The following FBRS variants were observed in gnomAD, a reference collection of about 807,000 sequenced individuals.
FBRS encodes probable fibrosin-1.
Under a neutral mutation model 86.1 loss-of-function variants are expected in FBRS, and 15 were observed. The observed-to-expected ratio is 0.17, with a 90% CI of 0.12 to 0.27. FBRS has a LOEUF of 0.27. Ranked by LOEUF, FBRS falls within the 10% of genes least tolerant of loss-of-function variation. The pLI is 1.00. For missense variants in FBRS, 1,367 were observed against 1,301.6 expected (o/e 1.05, Z -0.77); for synonymous variants, 666 against 575.8 (o/e 1.16, Z -2.24).
Position 30,664,936 on chromosome 16 carries a change from G to A in FBRS, c.1563+16G>A. ...CCCCCACATGGTGAGCTCCTCATTG[G>A]GCTGGCGATGAGGCTCGGAGGCCTC... On this transcript the variant is annotated intron_variant, in intron 8 of 17. Transcript: ENST00000356166. 1 of 1,609,890 alleles carries A rather than the reference G, an allele frequency of 6.2e-7. No homozygotes were observed. Among genetic ancestry groups the A allele is most frequent in the Non-Finnish European group, 8.5e-7 (1 of 1,177,860 alleles).
At chr16:30,667,071 C>G in intron 13 of FBRS, 81 bp downstream of exon 13, 1 of 1,384,528 alleles carries the variant, frequency 7.2e-7, no homozygotes, top group Admixed American at 2.0e-5. Context: ...CTCAACAGAG[C>G]TCAGCAGAAT....
rs890474961 is a variant in FBRS at position 30,665,784 on chromosome 16, A to G, written c.1773+78A>G. 1.5e-6 allele frequency: 2 copies of G among 1,358,518 alleles called. No individual in the cohort carries two copies. Among genetic ancestry groups the G allele is most frequent in the Non-Finnish European group, 2.0e-6 (2 of 978,060 alleles). 84.2% of individuals were successfully genotyped at this position (1,358,518 alleles called of 1,614,324 possible). On this transcript the variant is annotated intron_variant, in intron 11 of 17. Coordinates refer to ENST00000356166, the MANE Select transcript of FBRS (RefSeq NM_001105079.3). This position sits in a 1 kb window ranked among gnomAD's most constrained non-coding sequence, Gnocchi z 4.1. ...AACAGAACTGACTTGAGGAGAGTGAACTGCTGATTCCTCCCTTGAATTCAC... is the reference window on the plus strand; with the variant it reads ...AACAGAACTGACTTGAGGAGAGTGAGCTGCTGATTCCTCCCTTGAATTCAC...
rs768411512 is a variant in FBRS, at chr16:30,666,506, C to T, written c.1774-6C>T. 5.6e-6 allele frequency: 9 copies of T among 1,614,014 alleles called. No homozygotes were observed. Among genetic ancestry groups the T allele is most frequent in the Middle Eastern group, 1.6e-4 (1 of 6,062 alleles). ...TCGCCTCCCATCTCTCCTTTGCCATCCCCAGATCCCCGACCATTTCCGGCC... is the reference window on the plus strand; with the variant it reads ...TCGCCTCCCATCTCTCCTTTGCCATTCCCAGATCCCCGACCATTTCCGGCC... On this transcript the variant is annotated splice_polypyrimidine_tract_variant and splice_region_variant and intron_variant, in intron 11 of 17. Coordinates refer to ENST00000356166, the MANE Select transcript of FBRS (RefSeq NM_001105079.3).
chr16:30,667,329 C>T lies in FBRS; in HGVS notation c.1885C>T (p.His629Tyr). 5.2e-6 allele frequency: 8 copies of T among 1,552,632 alleles called. No individual in the cohort carries two copies. The highest frequency in any genetic ancestry group is 7.0e-6 in the Non-Finnish European group (8 of 1,147,546). ...RHQEKMKGDS[H>Y]KLDFRNDLLP... is the part of the protein sequence containing the mutation. The stretch of plus-strand genomic sequence containing the variant: ...CCTGTGTCCCACACAGGGTGACTCC[C>T]ACAAGCTTGACTTTCGGAATGACCT... Residue 629 changes from histidine to tyrosine, a missense_variant, in exon 14 of 18, where the codon CAC becomes TAC. By Grantham distance (83) the His-to-Tyr change is moderately conservative. Around this residue, in one of 3 missense-constraint regions of FBRS, gnomAD observed 659 missense variants for 678.8 expected, o/e 0.97. Transcript: ENST00000356166.
At chr16:30,660,506 C>T (rs1016412993) in intron 2 of FBRS, 64 bp downstream of exon 2, 23 of 1,256,238 alleles carry the variant, frequency 1.8e-5, no homozygotes, top group Non-Finnish European at 2.2e-5. Flanking sequence ...TTTTCATCAG[C>T]AACGCCACTG....
chr16:30,661,979 C>T (rs900414617), intron 4 of FBRS: 5 of 197,926 alleles, frequency 2.5e-5, no homozygotes, highest in Non-Finnish European at 5.2e-5. Context: ...ATTGTTGCTA[C>T]GAGAACAGGG....
rs1219177926 is a variant in FBRS, at chr16:30,669,588, C to T, written c.2886C>T (p.Pro962=). ...ALLGAPPPLV[P]APRPSSPPRG... Reference sequence around the variant, plus strand: ...TGGGGGCACCACCTCCGCTTGTGCCCGCCCCCCGGCCCAGTTCCCCACCTA... The same window carrying T: ...TGGGGGCACCACCTCCGCTTGTGCCTGCCCCCCGGCCCAGTTCCCCACCTA... The change falls in exon 18 of 18, where the codon CCC becomes CCT. Residue 962 remains proline (P), a synonymous_variant. Coordinates refer to ENST00000356166, the MANE Select transcript of FBRS (RefSeq NM_001105079.3). This position sits in a 1 kb window ranked among gnomAD's most constrained non-coding sequence, Gnocchi z 5.9. The T allele has an allele frequency of 1.1e-5, 17 of 1,611,326 alleles. No individual in the cohort carries two copies. The South Asian group carries it at 1.2e-4, about 11-fold the overall frequency.
At chr16:30,662,194 A>G (rs1235719543) in intron 4 of FBRS, 4 of 642,176 alleles carry the variant, frequency 6.2e-6, no homozygotes, top group East Asian at 6.0e-5. Flanking sequence ...CGCTGCCTCC[A>G]TTTAGTCCTC....
chr16:30,667,340 C>T lies in FBRS; in HGVS notation c.1896C>T (p.Asp632=), dbSNP rs2052535163. Residue 632 remains aspartate (D), a synonymous_variant, in exon 14 of 18, where the codon GAC becomes GAT. Coordinates refer to ENST00000356166, the MANE Select transcript of FBRS (RefSeq NM_001105079.3). The part of the protein sequence containing the change: ...EKMKGDSHKL[D]FRNDLLPCLP... Reference sequence around the variant, plus strand: ...CACAGGGTGACTCCCACAAGCTTGACTTTCGGAATGACCTCCTGCCCTGCC... The same window carrying T: ...CACAGGGTGACTCCCACAAGCTTGATTTTCGGAATGACCTCCTGCCCTGCC... The T allele has an allele frequency of 1.3e-6, 2 of 1,553,636 alleles. No homozygotes were observed. Among genetic ancestry groups the T allele is most frequent in the African/African-American group, 1.4e-5 (1 of 73,142 alleles).
intron 15 of FBRS, chr16:30,668,314 CCT>C (rs1222078966): frequency 9.9e-6 from 5 of 503,884 alleles, no homozygotes; most frequent in Admixed American, 3.3e-5. Flanking sequence ...CCTCTCTGAG[CCT>C]CTCTGTTTTA....
intron 7 of FBRS, 95 bp from the exon 8 acceptor site, chr16:30,664,620 G>T: frequency 6.9e-7 from 1 of 1,441,348 alleles, no homozygotes; most frequent in Non-Finnish European, 9.1e-7. Flanking sequence ...GGCTTGAGGA[G>T]GGAGTGGCTC....
rs1157592881 is a variant in FBRS at position 30,667,623 on chromosome 16, G to A, written c.2074+1G>A. On this transcript the variant is annotated splice_donor_variant, in intron 15 of 17. Transcript: ENST00000356166. LOFTEE classifies it high-confidence loss of function. ...TTCCTGAGCCCCAGCACCCACATTG[G>A]TAAGAGCCAAGGGCGTGTTGGGCAA... 1 of 1,517,094 alleles carries A rather than the reference G, an allele frequency of 6.6e-7. No homozygotes were observed. The highest frequency in any genetic ancestry group is 8.8e-7 in the Non-Finnish European group (1 of 1,132,558). The allele number at this position is 1,517,094 out of a possible 1,614,324, so 94.0% of individuals were successfully genotyped here.
At chr16:30,662,372 G>A in intron 4 of FBRS, 48 bp from the exon 5 acceptor site, 2 of 1,549,184 alleles carry the variant, frequency 1.3e-6, no homozygotes, top group East Asian at 2.4e-5. Flanking sequence ...CTGGGTGGAG[G>A]CCTGGCCCAC....
Position 30,661,345 on chromosome 16 carries a change from T to C in FBRS, c.705+12T>C. On this transcript the variant is annotated intron_variant, in intron 4 of 17. Coordinates refer to ENST00000356166, the MANE Select transcript of FBRS (RefSeq NM_001105079.3). ...ATCTGGACGAGAGGGTGAGTGGGGC[T>C]AGAGCTTGGGTGGGCAGTGTCACTG... 1 of 1,550,680 alleles carries C rather than the reference T, an allele frequency of 6.4e-7. No individual in the cohort carries two copies. Among genetic ancestry groups the C allele is most frequent in the Non-Finnish European group, 8.7e-7 (1 of 1,147,022 alleles).
chr16:30,661,779 G>A (rs2052464889), intron 4 of FBRS, among the ~76,000 whole-genome samples: 1 of 151,986 alleles, frequency 6.6e-6, no homozygotes, highest in African/African-American at 2.4e-5. Context: ...TTATCCTTAG[G>A]GGCGATTTGC....
At chr16:30,666,389 A>G in intron 11 of FBRS, 123 bp from the exon 12 acceptor site, 1 of 1,199,124 alleles carries the variant, frequency 8.3e-7, no homozygotes, top group Non-Finnish European at 1.2e-6. Flanking sequence ...CTGAGCAGGA[A>G]GGGTTTGAGG....
rs748596768 is a variant in FBRS, at chr16:30,667,432, C to T, written c.1988C>T (p.Ala663Val). 6.5e-6 allele frequency: 10 copies of T among 1,542,000 alleles called. No individual in the cohort carries two copies. The highest frequency in any genetic ancestry group is 2.7e-5 in the African/African-American group (2 of 72,762). ...ELSHPASLFT[A>V]TGAVHAAANP... ...TCCCACCCGGCCTCCCTCTTCACTGCGACTGGTGAGTCTGGCCAGCCCCCT... is the reference window on the plus strand; with the variant it reads ...TCCCACCCGGCCTCCCTCTTCACTGTGACTGGTGAGTCTGGCCAGCCCCCT... Residue 663 changes from alanine to valine, a missense_variant, in exon 14 of 18, where the codon GCG (alanine) becomes GTG (valine). Coordinates refer to ENST00000356166, the MANE Select transcript of FBRS (RefSeq NM_001105079.3).
Position 30,664,757 on chromosome 16 carries a change from A to C in FBRS, c.1400A>C (p.Asn467Thr). Reference sequence around the variant, plus strand: ...CAGGACCTGAACTCTCGCTACCTGAATGCCCAGGGTGGCCCTGAGGTGGTG... The same window carrying C: ...CAGGACCTGAACTCTCGCTACCTGACTGCCCAGGGTGGCCCTGAGGTGGTG... ...IGQDLNSRYL[N>T]AQGGPEVVGA... The change falls in exon 8 of 18, where the codon AAT becomes ACT. Residue 467 changes from asparagine to threonine, a missense_variant. Asn to Thr is a moderately conservative substitution (Grantham distance 65, BLOSUM62 0). Transcript: ENST00000356166. 4.5e-6 allele frequency: 7 copies of C among 1,551,190 alleles called. No homozygotes were observed. In the South Asian group the frequency reaches 8.3e-5, roughly 18 times the overall value.
In FBRS at chr16:30,659,744, C is replaced by A; in HGVS notation, c.226C>A (p.Pro76Thr). 7.4e-7 allele frequency: 1 copy of A among 1,349,500 alleles called. No individual in the cohort carries two copies. Among genetic ancestry groups the A allele is most frequent in the East Asian group, 2.6e-5 (1 of 38,462 alleles). 83.6% of individuals were successfully genotyped at this position (1,349,500 alleles called of 1,614,324 possible). ...PWSSASSGER[P>T]GGPRRRRPRP... ...GTCGTCAGCTTCGTCTGGAGAGCGG[C>A]CTGGGGGCCCGAGACGCCGGCGGCC... Residue 76 changes from proline (P) to threonine (T), a missense_variant, in exon 1 of 18, where the codon CCT becomes ACT. Around this residue, in one of 3 missense-constraint regions of FBRS, gnomAD observed 702 missense variants for 598.7 expected, o/e 1.17. Transcript: ENST00000356166.
Sources: allele counts gnomAD v4.1 joint callset (sites outside exome capture counted in the v4.1 genomes callset), GRCh38; gene constraint gnomAD v4.1.1; regional missense constraint gnomAD v4.1.1; non-coding constraint Gnocchi (gnomAD v3.1); transcripts MANE v1.5; gene names NCBI Gene and HGNC (gene_info 2026-07-23, HGNC 2026-07-21).